UBE3D: variants seen among roughly 807,000 people sequenced by gnomAD.
UBE3D encodes ubiquitin protein ligase E3D.
Under a neutral mutation model 49.6 loss-of-function variants are expected in UBE3D, and 48 were observed. The ratio of observed to expected loss-of-function variants is 0.97; its 90% CI spans 0.77 to 1.23. UBE3D has a LOEUF of 1.23. Ranked by LOEUF, UBE3D falls within the 50% of genes most tolerant of loss-of-function variation. UBE3D has a pLI of 0.00. For missense variants in UBE3D, 452 were observed against 468.4 expected (o/e 0.96, Z 0.32); for synonymous variants, 189 against 174.2 (o/e 1.08, Z -0.67).
At chr6:82,892,239 A>G (rs1042979300), downstream of UBE3D, among the ~76,000 whole-genome samples, 1 of 152,132 alleles carries the variant, frequency 6.6e-6, no homozygotes, top group African/African-American at 2.4e-5. Flanking sequence ...CCCAGCTTTG[A>G]TCCTAGCTGT....
rs1019186171 is a variant in UBE3D at position 83,024,672 on chromosome 6, G to T, written c.668-634C>A. ...CTGACCCCATCCCCTACTCTAATTG[G>T]AAGGCCACAGTGATGTTTTGGGTCT... is the stretch of plus-strand genomic sequence containing the variant. On this transcript the variant is annotated intron_variant, in intron 5 of 9. Coordinates refer to ENST00000369747, the MANE Select transcript of UBE3D (RefSeq NM_198920.3). Among the ~76,000 whole-genome samples the T allele has an allele frequency of 5.3e-5, 8 of 152,122 alleles. No individual in the cohort carries two copies. In the East Asian group the frequency reaches 1.5e-3, roughly 29 times the overall value.
intron 5 of UBE3D, among the ~76,000 whole-genome samples, chr6:83,031,518 C>T (rs1252799864): frequency 2.6e-5 from 4 of 152,156 alleles, no homozygotes; most frequent in African/African-American, 9.7e-5. Flanking sequence ...TGTGATCTGG[C>T]TGTGAGACAT....
At chr6:82,908,668 A>G (rs138200439) in intron 9 of UBE3D, among the ~76,000 whole-genome samples, 142 of 152,326 alleles carry the variant, frequency 9.3e-4, no homozygotes, top group African/African-American at 3.2e-3. Flanking sequence ...TGCATTACAT[A>G]TACAAACTGT....
At chr6:82,913,405 T>G (rs1195477810) in intron 9 of UBE3D, among the ~76,000 whole-genome samples, 1 of 152,238 alleles carries the variant, frequency 6.6e-6, no homozygotes, top group Non-Finnish European at 1.5e-5. Flanking sequence ...TCAAGTAGGC[T>G]GAGGATAACT....
intron 9 of UBE3D, among the ~76,000 whole-genome samples, chr6:82,918,198 TC>T (rs1773061707): frequency 1.3e-5 from 2 of 151,892 alleles, no homozygotes; most frequent in Admixed American, 6.6e-5. Context: ...ATATTTCTCT[TC>T]AAGTTGTCTT....
chr6:82,923,648 GGCACGTGTATACCTATGTAACAAAAT>G (rs1171356787), intron 9 of UBE3D, among the ~76,000 whole-genome samples: 7 of 152,154 alleles, frequency 4.6e-5, no homozygotes, highest in Non-Finnish European at 1.0e-4. Context: ...AAACCACCAT[GGCACGTGTATACCTATGTAACAAAAT>G]GCACGTTCTG....
chr6:82,941,542 A>T (rs529079883), intron 9 of UBE3D, among the ~76,000 whole-genome samples: 1 of 152,014 alleles, frequency 6.6e-6, no homozygotes, highest in Non-Finnish European at 1.5e-5. Flanking sequence ...ATCTATTTCT[A>T]GGAGCCCCTA....
At chr6:82,967,420 T>G (rs1016806329) in intron 8 of UBE3D, among the ~76,000 whole-genome samples, 1 of 151,952 alleles carries the variant, frequency 6.6e-6, no homozygotes, top group African/African-American at 2.4e-5. Context: ...ACAGTTCCAT[T>G]ACGAGCATCT....
intron 9 of UBE3D, among the ~76,000 whole-genome samples, chr6:82,947,998 T>C (rs1385271992): frequency 6.6e-6 from 1 of 151,344 alleles, no homozygotes; most frequent in Non-Finnish European, 1.5e-5. Flanking sequence ...TCAAAATTAG[T>C]AGAAGAAAAG....
intron 5 of UBE3D, among the ~76,000 whole-genome samples, chr6:83,029,742 T>A (rs1781734598): frequency 6.6e-6 from 1 of 152,344 alleles, no homozygotes; most frequent in Non-Finnish European, 1.5e-5. Context: ...TTGGTTGGGA[T>A]AGCAGTCAAT....
the UBE3D span, among the ~76,000 whole-genome samples, chr6:82,885,664 CA>C: frequency 1.3e-5 from 2 of 152,050 alleles, no homozygotes; most frequent in African/African-American, 2.4e-5. Flanking sequence ...CTCAAGGGTA[CA>C]AAAAATATAT....
chr6:83,015,108 A>C (rs1780607328), intron 8 of UBE3D, among the ~76,000 whole-genome samples: 1 of 152,148 alleles, frequency 6.6e-6, no homozygotes, highest in Non-Finnish European at 1.5e-5. Flanking sequence ...TTCCAATTGC[A>C]TTTAAATTTT....
intron 5 of UBE3D, among the ~76,000 whole-genome samples, 191 bp from the exon 6 acceptor site, chr6:83,024,229 T>C (rs887009997): frequency 3.9e-5 from 6 of 152,218 alleles, no homozygotes; most frequent in Admixed American, 6.5e-5. Flanking sequence ...GAGATAGTTC[T>C]GAAGCTTCTG....
chr6:83,019,545 C>T (rs1192304339), intron 7 of UBE3D, among the ~76,000 whole-genome samples: 1 of 151,916 alleles, frequency 6.6e-6, no homozygotes, highest in African/African-American at 2.4e-5. Context: ...TTTTCATTTA[C>T]CAGATTGGCA....
chr6:82,935,638 G>A (rs1308702364), intron 9 of UBE3D, among the ~76,000 whole-genome samples: 1 of 152,060 alleles, frequency 6.6e-6, no homozygotes, highest in South Asian at 2.1e-4. Flanking sequence ...AGTATATCAA[G>A]CATGAAGATA....
intron 8 of UBE3D, among the ~76,000 whole-genome samples, chr6:83,016,941 G>A (rs79382479): frequency 0.04 from 6,044 of 152,170 alleles, 211 homozygotes; most frequent in African/African-American, 0.092. Flanking sequence ...AGCCATGCTG[G>A]CAGCTGATTA....
chr6:82,964,579 C>T (rs1176629211), intron 8 of UBE3D, among the ~76,000 whole-genome samples: 2 of 152,114 alleles, frequency 1.3e-5, no homozygotes, highest in Non-Finnish European at 2.9e-5. Flanking sequence ...TATTATGTTG[C>T]TTATACCTGT....
chr6:82,914,095 C>T (rs1022507202), intron 9 of UBE3D, among the ~76,000 whole-genome samples: 1 of 152,166 alleles, frequency 6.6e-6, no homozygotes, highest in Non-Finnish European at 1.5e-5. Flanking sequence ...GAGCTAAAAC[C>T]AGAACCTAGA....
intron 9 of UBE3D, among the ~76,000 whole-genome samples, chr6:82,899,031 G>A (rs1217764073): frequency 2.0e-5 from 3 of 151,974 alleles, no homozygotes; most frequent in Non-Finnish European, 2.9e-5. Context: ...GTAAATTTAA[G>A]ATGGACCTTA....
Sources: allele counts gnomAD v4.1 joint callset (sites outside exome capture counted in the v4.1 genomes callset), GRCh38; gene constraint gnomAD v4.1.1; transcripts MANE v1.5; gene names NCBI Gene and HGNC (gene_info 2026-07-23, HGNC 2026-07-21).